ANK3: variants seen among roughly 807,000 people sequenced by gnomAD.
The protein encoded by ANK3 is ankyrin 3.
ANK3 carries 57 observed loss-of-function variants against 370.9 expected under a neutral mutation model. The observed-to-expected ratio is 0.15, with a 90% CI of 0.12 to 0.19. ANK3 has a LOEUF of 0.19. ANK3 is among the 10% of genes least tolerant of loss of function. The pLI, the probability that ANK3 is intolerant of heterozygous loss-of-function variation, is 1.00. For synonymous variants in ANK3, 1,929 were observed against 1,946.3 expected (o/e 0.99, Z 0.23); for missense variants, 4,439 against 5,302.1 (o/e 0.84, Z 5.06).
rs2082181302 is a variant in ANK3, at chr10:60,069,003, T to A, written c.11878A>T (p.Thr3960Ser). 4 of 1,613,786 alleles carry A rather than the reference T, an allele frequency of 2.5e-6. No homozygotes were observed. The highest frequency in any genetic ancestry group is 3.4e-6 in the Non-Finnish European group (4 of 1,179,820). Residue 3960 changes from threonine (T) to serine (S), a missense_variant, in exon 37 of 44, where the codon ACT (threonine) becomes TCT (serine). By Grantham distance (58) the Thr-to-Ser change is moderately conservative. Coordinates refer to ENST00000280772, the MANE Select transcript of ANK3 (RefSeq NM_020987.5). ...LPVKVRSTCVTTTTTTATTTT... is the reference protein window; with the variant it reads ...LPVKVRSTCVSTTTTTATTTT... Reference sequence around the variant, plus strand: ...GTGGTGGCAGTGGTGGTGGTGGTAGTGACACAGGTGGATCTTACCTTTACT... The same window carrying A: ...GTGGTGGCAGTGGTGGTGGTGGTAGAGACACAGGTGGATCTTACCTTTACT...
chr10:60,729,506 TTCAAATTAACTTCCCCTA>T (rs1367497568), intron 1 of ANK3, among the ~76,000 whole-genome samples: 1 of 152,248 alleles, frequency 6.6e-6, no homozygotes, highest in African/African-American at 2.4e-5. Context: ...AGTTCTGGCA[TTCAAATTAACTTCCCCTA>T]TCAAGCCAGG....
At chr10:60,435,851 G>A (rs1011583542) in intron 2 of ANK3, among the ~76,000 whole-genome samples, 2 of 152,208 alleles carry the variant, frequency 1.3e-5, no homozygotes, top group African/African-American at 4.8e-5. Context: ...TGTAATCCCA[G>A]CACTTTGGGA....
At chr10:60,173,825 T>A (rs1452393676) in intron 18 of ANK3, among the ~76,000 whole-genome samples, 1 of 152,236 alleles carries the variant, frequency 6.6e-6, no homozygotes, top group Admixed American at 6.5e-5. Context: ...GTTTCTCAAA[T>A]TAGTATCCAC....
intron 1 of ANK3, among the ~76,000 whole-genome samples, chr10:60,299,185 A>C (rs1460604842): frequency 1.3e-5 from 2 of 152,214 alleles, no homozygotes; most frequent in Non-Finnish European, 2.9e-5. Context: ...CACTTGATTA[A>C]AATTTCATAA....
chr10:60,080,479 A>C (rs1345594635), intron 36 of ANK3, 58 bp downstream of exon 36: 2 of 1,501,220 alleles, frequency 1.3e-6, no homozygotes, highest in Non-Finnish European at 1.8e-6. Context: ...TTTGTATAGA[A>C]AAAATGTCTC....
chr10:60,075,419 G>A lies in ANK3; in HGVS notation c.5462C>T (p.Thr1821Ile). ...TTSSVTSSII[T>I]VPVYSVVNVL... ...ATTGACTACAGAGTATACTGGCACTGTTATAATTGATGAAGTTACAGATGA... is the reference window on the plus strand; with the variant it reads ...ATTGACTACAGAGTATACTGGCACTATTATAATTGATGAAGTTACAGATGA... Residue 1821 changes from threonine to isoleucine, a missense_variant, in exon 37 of 44, where the codon ACA (threonine) becomes ATA (isoleucine). Thr to Ile is a moderately conservative substitution (Grantham distance 89). Transcript: ENST00000280772. The A allele has an allele frequency of 1.2e-6, 2 of 1,613,492 alleles. No individual in the cohort carries two copies. Among genetic ancestry groups the A allele is most frequent in the Middle Eastern group, 1.6e-4 (1 of 6,062 alleles).
chr10:60,572,461 T>C, intron 2 of ANK3: 1 of 1,535,774 alleles, frequency 6.5e-7, no homozygotes, highest in South Asian at 1.2e-5. Context: ...TATTCATTTC[T>C]TACCTTTTTT....
At chr10:60,694,664 G>T (rs2079415715) in intron 1 of ANK3, among the ~76,000 whole-genome samples, 1 of 151,750 alleles carries the variant, frequency 6.6e-6, no homozygotes, top group South Asian at 2.1e-4. Flanking sequence ...ATAAGTGAAG[G>T]AGAGATAAAA....
At chr10:60,523,858 T>C (rs1423378499) in intron 2 of ANK3, among the ~76,000 whole-genome samples, 1 of 152,008 alleles carries the variant, frequency 6.6e-6, no homozygotes, top group Non-Finnish European at 1.5e-5. Context: ...CATTAAAAAA[T>C]AAAAGTTGTT....
chr10:60,572,957 G>A, intron 2 of ANK3: 1 of 989,918 alleles, frequency 1.0e-6, no homozygotes, highest in Non-Finnish European at 1.2e-6. Context: ...GCTACAGACT[G>A]CTGACAAGTC....
chr10:60,278,815 C>G lies in ANK3; in HGVS notation c.373G>C (p.Val125Leu). The change falls in exon 4 of 44, where the codon GTC (valine) becomes CTC (leucine). Residue 125 changes from valine to leucine, a missense_variant. Coordinates refer to ENST00000280772, the MANE Select transcript of ANK3 (RefSeq NM_020987.5). ...SLAGQAEVVK[V>L]LVTNGANVNA... ...ACATTGGCTCCATTTGTAACCAAGA[C>G]TTTTACCACCTCTGCTTGCCCAGCC... 6.2e-7 allele frequency: 1 copy of G among 1,613,984 alleles called. No homozygotes were observed. Among genetic ancestry groups the G allele is most frequent in the Non-Finnish European group, 8.5e-7 (1 of 1,179,932 alleles).
At chr10:60,082,277 G>T in intron 34 of ANK3, 101 bp from the exon 35 acceptor site, 1 of 1,056,714 alleles carries the variant, frequency 9.5e-7, no homozygotes, top group Non-Finnish European at 1.4e-6. Context: ...GAGCACAAAT[G>T]CAAGCTGATT....
chr10:60,578,852 A>G (rs2077713254), intron 2 of ANK3, among the ~76,000 whole-genome samples: 1 of 152,232 alleles, frequency 6.6e-6, no homozygotes, highest in African/African-American at 2.4e-5. Context: ...AACTTAAATG[A>G]TATTTCCTAG....
intron 43 of ANK3, among the ~76,000 whole-genome samples, chr10:60,040,779 G>A (rs1262596180): frequency 2.0e-5 from 3 of 152,010 alleles, no homozygotes; most frequent in African/African-American, 2.4e-5. Flanking sequence ...TAACCCTTTT[G>A]GTTCTTTTCC....
intron 1 of ANK3, among the ~76,000 whole-genome samples, chr10:60,311,746 T>C (rs2046400557): frequency 1.3e-5 from 2 of 152,234 alleles, no homozygotes; most frequent in Admixed American, 1.3e-4. Context: ...CCTGGAATGC[T>C]GTCTTCCTCC....
rs2095636610 is a variant in ANK3, at chr10:60,166,804, C to T, written c.2551+20G>A. On this transcript the variant is annotated intron_variant, in intron 22 of 43. Transcript: ENST00000280772. Reference sequence around the variant, plus strand: ...CACAGTCACTTATAATTATTGTGAACTCAAAGAACATTTTCATACCTTCAT... The same window carrying T: ...CACAGTCACTTATAATTATTGTGAATTCAAAGAACATTTTCATACCTTCAT... 2 of 1,611,078 alleles carry T rather than the reference C, an allele frequency of 1.2e-6. No homozygotes were observed. The highest frequency in any genetic ancestry group is 1.7e-5 in the Admixed American group (1 of 59,962).
intron 2 of ANK3, among the ~76,000 whole-genome samples, chr10:60,460,790 T>A (rs529677516): frequency 6.6e-6 from 1 of 152,142 alleles, no homozygotes. Context: ...GACAGAACCA[T>A]AAATTTAAAA....
intron 1 of ANK3, among the ~76,000 whole-genome samples, chr10:60,725,288 C>T (rs988417563): frequency 4.6e-5 from 7 of 152,144 alleles, no homozygotes; most frequent in Non-Finnish European, 8.8e-5. Context: ...TTTTTCCTCT[C>T]CCCCAAGCAA....
chr10:60,486,548 G>A (rs1028005259), intron 2 of ANK3, among the ~76,000 whole-genome samples: 1 of 152,164 alleles, frequency 6.6e-6, no homozygotes, highest in African/African-American at 2.4e-5. Flanking sequence ...CCACTGCACT[G>A]CAGCCTGGGT....
Sources: allele counts gnomAD v4.1 joint callset (sites outside exome capture counted in the v4.1 genomes callset), GRCh38; gene constraint gnomAD v4.1.1; transcripts MANE v1.5; gene names NCBI Gene and HGNC (gene_info 2026-07-23, HGNC 2026-07-21).